The following MDFIC variants were observed in gnomAD, a reference collection of about 807,000 sequenced individuals.
MDFIC encodes the protein MyoD family inhibitor domain containing, also known as myoD family inhibitor domain-containing protein.
In MDFIC, 17 loss-of-function variants were observed where a neutral mutation model predicts 23.2. The ratio of observed to expected loss-of-function variants is 0.73; its 90% confidence interval spans 0.50 to 1.10. The LOEUF is 1.10. Among genes scored for constraint, MDFIC ranks in the 50% least tolerant of loss-of-function variants. The pLI, the probability that MDFIC is intolerant of heterozygous loss-of-function variation, is 0.00. For missense variants in MDFIC, 356 were observed against 316.6 expected, an observed-to-expected ratio of 1.12 and a Z score of -0.95; for synonymous variants, 120 against 115.2, an observed-to-expected ratio of 1.04 and a Z score of -0.27.
rs1160948961 is a variant in MDFIC at position 115,014,608 on chromosome 7, A to C, written c.494-1080A>C. 3 of 1,072,864 alleles carry C rather than the reference A, an allele frequency of 2.8e-6. No individual in the cohort carries two copies. In the African/African-American group the frequency reaches 5.1e-5, roughly 18 times the overall value. 66.5% of individuals were successfully genotyped at this position (1,072,864 alleles called of 1,614,324 possible). The stretch of plus-strand genomic sequence containing the variant: ...CTTCTTATTAAAACTTACATTATAC[A>C]AAGTACAAAAACAAAAAAACAAGGA... On this transcript the variant is annotated intron_variant, in intron 4 of 4. Coordinates refer to ENST00000393486, the MANE Select transcript of MDFIC (RefSeq NM_001166345.3).
intron 4 of MDFIC, among the ~76,000 whole-genome samples, chr7:114,984,446 A>C (rs886100604): frequency 6.6e-6 from 1 of 152,222 alleles, no homozygotes; most frequent in Non-Finnish European, 1.5e-5. Flanking sequence ...CAGCCCTGGA[A>C]AATAAAATGT....
chr7:114,942,205 A>C lies in MDFIC; in HGVS notation c.95-70A>C, dbSNP rs1454133383. ...GGCAGACTTGGAAGCATTTAGAAAAATGTATATACTAAAAAAGGAGAGAAA... is the reference window on the plus strand; with the variant it reads ...GGCAGACTTGGAAGCATTTAGAAAACTGTATATACTAAAAAAGGAGAGAAA... On this transcript the variant is annotated intron_variant, in intron 2 of 4. Transcript: ENST00000393486. 8.0e-6 allele frequency: 8 copies of C among 1,000,278 alleles called. No homozygotes were observed. The Admixed American group carries it at 1.3e-4, about 17-fold the overall frequency. The allele number at this position is 1,000,278 out of a possible 1,614,324, so 62.0% of individuals were successfully genotyped here. A position where few individuals can be genotyped will look rare whatever the true frequency, so the allele number is the denominator to read the frequency against.
intron 3 of MDFIC, among the ~76,000 whole-genome samples, chr7:114,968,687 A>G (rs1044496941): frequency 6.6e-6 from 1 of 152,192 alleles, no homozygotes; most frequent in Non-Finnish European, 1.5e-5. Flanking sequence ...CTGTTATTAG[A>G]ATTAAAGCAC....
At chr7:114,936,447 C>T (rs1210110530) in intron 2 of MDFIC, among the ~76,000 whole-genome samples, 1 of 152,036 alleles carries the variant, frequency 6.6e-6, no homozygotes, top group Non-Finnish European at 1.5e-5. Context: ...AAAAATATCC[C>T]TCTTCAATAG....
intron 3 of MDFIC, among the ~76,000 whole-genome samples, chr7:114,960,847 G>A (rs1195832604): frequency 1.3e-5 from 2 of 152,068 alleles, no homozygotes; most frequent in African/African-American, 2.4e-5. Context: ...CACAGACAAG[G>A]AAACAATAGT....
At chr7:114,997,268 T>C (rs1423008263) in intron 4 of MDFIC, among the ~76,000 whole-genome samples, 3 of 152,084 alleles carry the variant, frequency 2.0e-5, no homozygotes, top group Non-Finnish European at 4.4e-5. Flanking sequence ...ATGGGGTACA[T>C]GGTTGAGTGC....
intron 3 of MDFIC, among the ~76,000 whole-genome samples, chr7:114,968,569 C>T (rs978864890): frequency 2.0e-5 from 3 of 152,174 alleles, no homozygotes; most frequent in Non-Finnish European, 2.9e-5. Context: ...ATGGGTTGGA[C>T]AAGATAATTA....
chr7:114,924,089 T>C (rs1039686122), intron 2 of MDFIC, among the ~76,000 whole-genome samples: 1 of 152,216 alleles, frequency 6.6e-6, no homozygotes, highest in East Asian at 1.9e-4. Flanking sequence ...TTGGTTAAAT[T>C]AAAATGTTCT....
At position 115,014,401 on chromosome 7, in the gene MDFIC, T is replaced by A. The variant is rs1311891179; in HGVS notation, c.494-1287T>A. 2.3e-6 allele frequency: 3 copies of A among 1,289,214 alleles called. No homozygotes were observed. The East Asian group carries it at 1.7e-4, about 72-fold the overall frequency. The allele number at this position is 1,289,214 out of a possible 1,614,324, so 79.9% of individuals were successfully genotyped here. A position where few individuals can be genotyped will look rare whatever the true frequency, so the allele number is the denominator to read the frequency against. ...CATTCTATAGAGAAGCGCATGATTT[T>A]TTATTATAGCATGGCTGCCAAGCAA... On this transcript the variant is annotated intron_variant, in intron 4 of 4. Transcript: ENST00000393486.
At chr7:114,974,430 A>G (rs1390992463) in intron 3 of MDFIC, among the ~76,000 whole-genome samples, 1 of 151,984 alleles carries the variant, frequency 6.6e-6, no homozygotes, top group African/African-American at 2.4e-5. Flanking sequence ...ACACCAAGTC[A>G]TTTTCCCCCT....
chr7:114,971,347 C>A (rs1339989618), intron 3 of MDFIC, among the ~76,000 whole-genome samples: 1 of 152,120 alleles, frequency 6.6e-6, no homozygotes, highest in East Asian at 1.9e-4. Context: ...ACTTCTGATA[C>A]AGGTGTTTAT....
chr7:114,985,978 C>T (rs778940635), intron 4 of MDFIC, among the ~76,000 whole-genome samples: 2 of 150,514 alleles, frequency 1.3e-5, no homozygotes, highest in Non-Finnish European at 2.9e-5. Flanking sequence ...CACCTGTAGC[C>T]AATACTGCTA....
At chr7:114,929,084 G>GATCTATCTATCTATCTATCTATCT (rs11273513) in intron 2 of MDFIC, among the ~76,000 whole-genome samples, 61,848 of 147,796 alleles carry the variant, frequency 0.42, 13,056 homozygotes, top group Admixed American at 0.44. Context: ...GATAAATATA[G>GATCTATCTATCTATCTATCTATCT]ATCTATCTAT....
At chr7:114,957,685 A>C (rs1430544096) in intron 3 of MDFIC, among the ~76,000 whole-genome samples, 1 of 152,206 alleles carries the variant, frequency 6.6e-6, no homozygotes, top group South Asian at 2.1e-4. Flanking sequence ...AAAACTGTGC[A>C]ATATCAGCTT....
At chr7:114,956,837 T>A (rs1792893989) in intron 3 of MDFIC, among the ~76,000 whole-genome samples, 1 of 151,968 alleles carries the variant, frequency 6.6e-6, no homozygotes. Flanking sequence ...TAAAATAAGG[T>A]GAATATTAGT....
chr7:114,981,679 GTC>G (rs1793419734), intron 4 of MDFIC, among the ~76,000 whole-genome samples: 1 of 152,296 alleles, frequency 6.6e-6, no homozygotes, highest in South Asian at 2.1e-4. Context: ...ATTTTGCAAA[GTC>G]TTATCCATAT....
rs1239605895 is a variant in MDFIC, at chr7:115,009,723, A to C, written c.494-5965A>C. 2.0e-5 allele frequency among the ~76,000 whole-genome samples: 3 copies of C among 152,244 alleles called. No individual in the cohort carries two copies. In the South Asian group the frequency reaches 6.2e-4, roughly 32 times the overall value. On this transcript the variant is annotated intron_variant, in intron 4 of 4. Transcript: ENST00000393486. ...CATAATAGGCCAGCTGCCTAAGCGTAACACTGATGACCTTTCGTAGGACTC... is the reference window on the plus strand; with the variant it reads ...CATAATAGGCCAGCTGCCTAAGCGTCACACTGATGACCTTTCGTAGGACTC...
chr7:114,939,671 G>T (rs925063481), intron 2 of MDFIC, among the ~76,000 whole-genome samples: 4 of 152,146 alleles, frequency 2.6e-5, no homozygotes, highest in African/African-American at 9.7e-5. Context: ...AGTTGAGAGG[G>T]TCTGTGTTTA....
At chr7:114,996,577 A>G (rs966454010) in intron 4 of MDFIC, among the ~76,000 whole-genome samples, 1 of 152,184 alleles carries the variant, frequency 6.6e-6, no homozygotes, top group African/African-American at 2.4e-5. Flanking sequence ...TTCAAAGGAA[A>G]GGTCTGCAGC....
Sources: gnomAD v4.1 joint callset for allele counts (sites outside exome capture counted in the v4.1 genomes callset) on GRCh38, gnomAD v4.1.1 for gene constraint, MANE v1.5 for transcripts, NCBI Gene and HGNC (gene_info 2026-07-23, HGNC 2026-07-21) for gene names.